The following MDFIC variants were observed in gnomAD, a reference collection of about 807,000 sequenced individuals.
MDFIC encodes myoD family inhibitor domain-containing protein.
A neutral mutation model predicts 23.2 loss-of-function variants in MDFIC; 17 were observed. That is an observed-to-expected ratio of 0.73 (90% CI 0.50 to 1.10). The LOEUF (loss-of-function observed/expected upper bound fraction) is 1.10. Ranked by LOEUF, MDFIC falls within the 50% of genes least tolerant of loss-of-function variation. MDFIC has a pLI of 0.00. For missense variants in MDFIC, 356 were observed against 316.6 expected (o/e 1.12, Z -0.95); for synonymous variants, 120 against 115.2 (o/e 1.04, Z -0.27).
intron 4 of MDFIC, among the ~76,000 whole-genome samples, chr7:115,000,403 T>C (rs1451144152): frequency 1.3e-5 from 2 of 152,276 alleles, no homozygotes; most frequent in East Asian, 1.9e-4. Context: ...TTAAACATAA[T>C]TGGTTTCCTT....
chr7:114,954,535 T>G (rs1394409900), intron 3 of MDFIC, among the ~76,000 whole-genome samples: 4 of 152,252 alleles, frequency 2.6e-5, no homozygotes, highest in Non-Finnish European at 5.9e-5. Context: ...TGTTCTCTCA[T>G]CTCAGTTGAA....
In MDFIC at chr7:114,989,155, G is replaced by T. The variant is rs146695868; in HGVS notation, c.493+9374G>T. Among the ~76,000 whole-genome samples the T allele has an allele frequency of 3.1e-3, 475 of 152,266 alleles. 5 individuals carry two copies. The highest frequency in any genetic ancestry group is 0.011 in the African/African-American group (458 of 41,560). On this transcript the variant is annotated intron_variant, in intron 4 of 4. Transcript: ENST00000393486. Reference sequence around the variant, plus strand: ...GAGAGGAAACAAGAAATGTGAGGGGGAGACAGACTGGAGATAATGATATCA... The same window carrying T: ...GAGAGGAAACAAGAAATGTGAGGGGTAGACAGACTGGAGATAATGATATCA...
chr7:114,931,637 A>C (rs903635825), intron 2 of MDFIC, among the ~76,000 whole-genome samples: 9 of 152,244 alleles, frequency 5.9e-5, no homozygotes, highest in Non-Finnish European at 1.3e-4. Flanking sequence ...AGATTAAAAT[A>C]ATAGCCATGT....
At chr7:115,007,213 G>A (rs1294311438) in intron 4 of MDFIC, among the ~76,000 whole-genome samples, 1 of 152,176 alleles carries the variant, frequency 6.6e-6, no homozygotes, top group African/African-American at 2.4e-5. Context: ...AACATAGGTA[G>A]GTGGAGAGGT....
At chr7:114,954,143 A>G (rs558536638) in intron 3 of MDFIC, among the ~76,000 whole-genome samples, 1 of 152,320 alleles carries the variant, frequency 6.6e-6, no homozygotes, top group South Asian at 2.1e-4. Flanking sequence ...ACCCTGCACA[A>G]CATATTGATA....
At chr7:114,947,121 A>G (rs1323324815) in intron 3 of MDFIC, among the ~76,000 whole-genome samples, 1 of 152,182 alleles carries the variant, frequency 6.6e-6, no homozygotes, top group Non-Finnish European at 1.5e-5. Flanking sequence ...TTCACTTTAT[A>G]TGGAAAAGGT....
chr7:114,984,532 C>CA (rs957229462), intron 4 of MDFIC, among the ~76,000 whole-genome samples: 4 of 151,874 alleles, frequency 2.6e-5, no homozygotes, highest in African/African-American at 9.7e-5. Flanking sequence ...AACCATGTGG[C>CA]AAAAAAATTG....
chr7:114,927,325 C>CTTTTTTTTTTTTTTTTTTTTTTT, intron 2 of MDFIC, among the ~76,000 whole-genome samples: 1 of 141,812 alleles, frequency 7.1e-6, no homozygotes, highest in African/African-American at 2.6e-5. Flanking sequence ...AAAAACAGTC[C>CTTTTTTTTTTTTTTTTTTTTTTT]TTTTTTTTTT....
At chr7:114,982,025 C>T (rs1389403059) in intron 4 of MDFIC, among the ~76,000 whole-genome samples, 1 of 152,198 alleles carries the variant, frequency 6.6e-6, no homozygotes, top group Non-Finnish European at 1.5e-5. Context: ...CCTGCTTTTT[C>T]TGTGGAATGA....
Position 115,016,515 on chromosome 7 carries a change from C to T in MDFIC, c.*580C>T, listed in dbSNP as rs1175678753. 6.5e-6 allele frequency: 1 copy of T among 153,834 alleles called. No homozygotes were observed. Among genetic ancestry groups the T allele is most frequent in the African/African-American group, 2.4e-5 (1 of 41,394 alleles). 9.5% of individuals were successfully genotyped at this position (153,834 alleles called of 1,614,324 possible). A position where few individuals can be genotyped will look rare whatever the true frequency, so the allele number is the denominator to read the frequency against. ...GGGCTTGGCGGTGTGCGCCTGTAGT[C>T]CCAGCTACTCAGGAGGCTGAGGCAG... On this transcript the variant is annotated 3_prime_UTR_variant, in exon 5 of 5. Transcript: ENST00000393486.
chr7:114,922,190 A>G lies in MDFIC; in HGVS notation c.-554A>G, dbSNP rs1585087739. On this transcript the variant is annotated 5_prime_UTR_variant, in exon 1 of 5. Transcript: ENST00000393486. ...TCTGGCCTCCTGACCCAGACAGCGC[A>G]GGGCGCGAGGGATCGCGCGGCCGAG... 7.5e-6 allele frequency: 3 copies of G among 399,978 alleles called. No individual in the cohort carries two copies. The East Asian group carries it at 1.1e-4, about 15-fold the overall frequency. The allele number at this position is 399,978 out of a possible 1,614,324, so 24.8% of individuals were successfully genotyped here. A position where few individuals can be genotyped will look rare whatever the true frequency, so the allele number is the denominator to read the frequency against.
At chr7:114,964,357 G>A (rs1793052142) in intron 3 of MDFIC, among the ~76,000 whole-genome samples, 3 of 152,114 alleles carry the variant, frequency 2.0e-5, no homozygotes. Flanking sequence ...AAAGGCAATT[G>A]CATTATTTTT....
chr7:114,994,509 AG>A (rs1357844320), intron 4 of MDFIC, among the ~76,000 whole-genome samples: 1 of 152,124 alleles, frequency 6.6e-6, no homozygotes, highest in Non-Finnish European at 1.5e-5. Context: ...TTCCATGTTT[AG>A]TGCTTCCTTC....
chr7:114,951,401 A>T (rs1792766086), intron 3 of MDFIC, among the ~76,000 whole-genome samples: 1 of 152,214 alleles, frequency 6.6e-6, no homozygotes, highest in South Asian at 2.1e-4. Flanking sequence ...GATTCCAAAG[A>T]GTCTTCTCCA....
intron 3 of MDFIC, among the ~76,000 whole-genome samples, chr7:114,947,216 T>G (rs1278231980): frequency 6.6e-6 from 1 of 151,662 alleles, no homozygotes; most frequent in Admixed American, 6.6e-5. Context: ...CATCTAGGAG[T>G]TTTTTCCCTA....
At chr7:114,935,556 C>T (rs551500548) in intron 2 of MDFIC, among the ~76,000 whole-genome samples, 2 of 150,722 alleles carry the variant, frequency 1.3e-5, no homozygotes, top group African/African-American at 2.4e-5. Context: ...TGTGAGTTTA[C>T]ACACACCTCT....
At chr7:114,928,897 T>C (rs1792249770) in intron 2 of MDFIC, among the ~76,000 whole-genome samples, 1 of 152,046 alleles carries the variant, frequency 6.6e-6, no homozygotes, top group Admixed American at 6.5e-5. Context: ...TTAAAAACAA[T>C]AGCAAAAATA....
chr7:114,985,173 C>T (rs761576816), intron 4 of MDFIC, among the ~76,000 whole-genome samples: 74 of 152,230 alleles, frequency 4.9e-4, no homozygotes, highest in Admixed American at 1.4e-3. Context: ...GCATCAGCGT[C>T]TCATCTCTAA....
intron 4 of MDFIC, among the ~76,000 whole-genome samples, chr7:114,997,950 A>C (rs1185990507): frequency 1.3e-5 from 2 of 152,158 alleles, no homozygotes; most frequent in African/African-American, 4.8e-5. Context: ...TCTTTCAAAT[A>C]ACCGGTAGGA....
Sources: gnomAD v4.1 joint callset for allele counts (sites outside exome capture counted in the v4.1 genomes callset) on GRCh38, gnomAD v4.1.1 for gene constraint, MANE v1.5 for transcripts, NCBI Gene and HGNC (gene_info 2026-07-23, HGNC 2026-07-21) for gene names.